The following SNCAIP variants were observed in gnomAD, a reference collection of about 807,000 sequenced individuals.
The protein encoded by SNCAIP is synuclein alpha interacting protein.
Under a neutral mutation model 86.7 loss-of-function variants are expected in SNCAIP, and 43 were observed. The observed-to-expected ratio is 0.50, with a 90% CI of 0.39 to 0.64. The LOEUF is 0.64. Among genes scored for constraint, SNCAIP ranks in the 30% least tolerant of loss-of-function variants. The pLI is 0.00. For missense variants in SNCAIP, 981 were observed against 1,103.1 expected, an observed-to-expected ratio of 0.89 and a Z score of 1.57; for synonymous variants, 417 against 427.2, an observed-to-expected ratio of 0.98 and a Z score of 0.29.
intron 1 of SNCAIP, among the ~76,000 whole-genome samples, chr5:122,351,190 C>T (rs528757848): frequency 3.6e-4 from 55 of 152,168 alleles, no homozygotes; most frequent in Non-Finnish European, 7.5e-4. Context: ...TTTTATTTTA[C>T]ATCTTCTTTC....
chr5:122,404,317 A>G (rs573411179), intron 3 of SNCAIP, among the ~76,000 whole-genome samples: 1 of 152,374 alleles, frequency 6.6e-6, no homozygotes, highest in Non-Finnish European at 1.5e-5. Context: ...AGAATCTGCA[A>G]TAAGGCATAC....
intron 1 of SNCAIP, among the ~76,000 whole-genome samples, chr5:122,350,445 G>C (rs1759522504): frequency 6.6e-6 from 1 of 150,936 alleles, no homozygotes; most frequent in Non-Finnish European, 1.5e-5. Flanking sequence ...AGATATTATA[G>C]TTCAGATTTG....
At chr5:122,320,554 T>C (rs1479789413) in intron 1 of SNCAIP, among the ~76,000 whole-genome samples, 1 of 152,198 alleles carries the variant, frequency 6.6e-6, no homozygotes, top group African/African-American at 2.4e-5. Flanking sequence ...TCTATTCAAG[T>C]TTCTTCATTC....
chr5:122,361,948 A>G (rs953897572), intron 1 of SNCAIP, among the ~76,000 whole-genome samples: 2 of 152,198 alleles, frequency 1.3e-5, no homozygotes, highest in African/African-American at 2.4e-5. Context: ...CTCCTAGGGG[A>G]TAGATTCAGT....
chr5:122,376,347 CAAAAT>C (rs1354629649), intron 1 of SNCAIP, among the ~76,000 whole-genome samples: 2 of 151,938 alleles, frequency 1.3e-5, no homozygotes, highest in Non-Finnish European at 2.9e-5. Flanking sequence ...TTTGCAAAAT[CAAAAT>C]AAAGCATAAC....
At chr5:122,321,624 T>C (rs1752953670) in intron 1 of SNCAIP, 1 of 152,232 alleles carries the variant, frequency 6.6e-6, no homozygotes, top group South Asian at 2.1e-4. Context: ...TGGTGAATCA[T>C]TAATGAACAA....
chr5:122,385,311 G>T (rs1021396699), intron 1 of SNCAIP, among the ~76,000 whole-genome samples: 1 of 152,170 alleles, frequency 6.6e-6, no homozygotes, highest in Non-Finnish European at 1.5e-5. Flanking sequence ...CACAGGGCTT[G>T]TGCTTTTTCT....
intron 1 of SNCAIP, among the ~76,000 whole-genome samples, chr5:122,378,094 A>G (rs1765767385): frequency 6.8e-6 from 1 of 147,690 alleles, no homozygotes; most frequent in Non-Finnish European, 1.5e-5. Flanking sequence ...TTCTAGTTCT[A>G]GATCCCTGAG....
chr5:122,364,460 T>C (rs565552791), intron 1 of SNCAIP, among the ~76,000 whole-genome samples: 1 of 152,360 alleles, frequency 6.6e-6, no homozygotes, highest in Admixed American at 6.5e-5. Flanking sequence ...TGAGCCACTG[T>C]GCCCAGCCAA....
At chr5:122,340,837 G>A in intron 1 of SNCAIP, among the ~76,000 whole-genome samples, 1 of 152,162 alleles carries the variant, frequency 6.6e-6, no homozygotes, top group East Asian at 1.9e-4. Flanking sequence ...CCTGTATCTA[G>A]ATAAATTTAT....
chr5:122,425,145 TCG>T (rs1163502489), intron 4 of SNCAIP, among the ~76,000 whole-genome samples: 1 of 152,214 alleles, frequency 6.6e-6, no homozygotes, highest in East Asian at 1.9e-4. Flanking sequence ...TTGCCATGTC[TCG>T]TATGAAGATC....
At chr5:122,384,246 TA>T (rs1580875468) in intron 1 of SNCAIP, among the ~76,000 whole-genome samples, 2 of 152,310 alleles carry the variant, frequency 1.3e-5, no homozygotes, top group East Asian at 3.9e-4. Context: ...TAGTAGTGCA[TA>T]ACCTTGGATG....
At chr5:122,314,332 A>G (rs1474811098) in intron 1 of SNCAIP, among the ~76,000 whole-genome samples, 1 of 152,262 alleles carries the variant, frequency 6.6e-6, no homozygotes, top group Non-Finnish European at 1.5e-5. Flanking sequence ...TCTTGTCAAA[A>G]GAGGAAATCT....
intron 1 of SNCAIP, among the ~76,000 whole-genome samples, chr5:122,320,554 T>A (rs1479789413): frequency 6.6e-6 from 1 of 152,198 alleles, no homozygotes; most frequent in Non-Finnish European, 1.5e-5. Flanking sequence ...TCTATTCAAG[T>A]TTCTTCATTC....
At chr5:122,409,656 A>C (rs1773724146) in intron 3 of SNCAIP, among the ~76,000 whole-genome samples, 1 of 152,202 alleles carries the variant, frequency 6.6e-6, no homozygotes, top group Admixed American at 6.5e-5. Context: ...AAGCATTGCA[A>C]ATTCGCTATA....
intron 10 of SNCAIP, among the ~76,000 whole-genome samples, chr5:122,453,758 C>CT (rs72006645): frequency 0.031 from 4,300 of 136,600 alleles, 219 homozygotes; most frequent in African/African-American, 0.097. Flanking sequence ...AAGACTATCA[C>CT]TTTTTTTTTT....
chr5:122,460,554 C>T (rs1785931076), intron 10 of SNCAIP, among the ~76,000 whole-genome samples: 1 of 152,116 alleles, frequency 6.6e-6, no homozygotes, highest in Non-Finnish European at 1.5e-5. Context: ...CACGCACCTA[C>T]ACACATGCAC....
At chr5:122,328,565 C>T (rs533473102) in intron 1 of SNCAIP, among the ~76,000 whole-genome samples, 27 of 152,218 alleles carry the variant, frequency 1.8e-4, no homozygotes, top group Non-Finnish European at 1.6e-4. Context: ...TTTCCATCCC[C>T]ATTTCTTGTA....
At chr5:122,327,872 G>A (rs946504304) in intron 1 of SNCAIP, among the ~76,000 whole-genome samples, 1 of 152,198 alleles carries the variant, frequency 6.6e-6, no homozygotes, top group Non-Finnish European at 1.5e-5. Flanking sequence ...AAGTGCTATA[G>A]TCAGAAGGAG....
Sources: gnomAD v4.1 joint callset for allele counts (sites outside exome capture counted in the v4.1 genomes callset) on GRCh38, gnomAD v4.1.1 for gene constraint, MANE v1.5 for transcripts, NCBI Gene and HGNC (gene_info 2026-07-23, HGNC 2026-07-21) for gene names.